RGS14: variants seen among roughly 807,000 people sequenced by gnomAD.
The protein encoded by RGS14 is regulator of G protein signaling 14.
In RGS14, 33 loss-of-function variants were observed where a neutral mutation model predicts 63.8. That is an observed-to-expected ratio of 0.52 (90% CI 0.39 to 0.69). The LOEUF (loss-of-function observed/expected upper bound fraction) is 0.69, where lower values mean the gene tolerates loss of function less well. Ranked by LOEUF, RGS14 falls within the 30% of genes least tolerant of loss-of-function variation. RGS14 has a pLI of 0.00. For synonymous variants in RGS14, 296 were observed against 320.9 expected (o/e 0.92, Z 0.83); for missense variants, 739 against 742.9 (o/e 0.99, Z 0.06).
At position 177,371,512 on chromosome 5, in the gene RGS14, C is replaced by A. The variant is rs1254378331; in HGVS notation, c.1421C>A (p.Pro474His). 1.2e-6 allele frequency: 2 copies of A among 1,614,010 alleles called. No homozygotes were observed. The highest frequency in any genetic ancestry group is 4.5e-5 in the East Asian group (2 of 44,884). ...AGAACTCAGGATAAGGCCACCCATC[C>A]CCCTCCAGCGTCCCCCAGTTCTCTG... ...PPRTQDKATH[P>H]PPASPSSLVK... Residue 474 changes from proline to histidine, a missense_variant, in exon 14 of 15, where the codon CCC becomes CAC. Pro to His is a moderately conservative substitution (Grantham distance 77). Transcript: ENST00000408923. This position sits in a 1 kb window ranked among gnomAD's most constrained non-coding sequence, Gnocchi z 6.1.
In RGS14 at chr5:177,371,029, C is replaced by T. The variant is rs1762231447; in HGVS notation, c.1252C>T (p.Arg418Trp). Residue 418 changes from arginine (R) to tryptophan (W), a missense_variant and splice_region_variant, in exon 11 of 15, where the codon CGG becomes TGG. By Grantham distance (101) the Arg-to-Trp change is moderately radical. Coordinates refer to ENST00000408923, the MANE Select transcript of RGS14 (RefSeq NM_006480.5). The surrounding 1 kb of genome is among the most constrained non-coding windows in gnomAD (Gnocchi z 6.1). ...GLSPLEVVLH[R>W]PGEKQPLDLG... is the part of the protein sequence containing the mutation. ...GAGCCCGCTAGAGGTGGTGCTGCAC[C>T]GGGTGAGCTTCCGGGCCGCGGGGCG... The T allele has an allele frequency of 2.7e-6, 4 of 1,497,100 alleles. No homozygotes were observed. The highest frequency in any genetic ancestry group is 1.2e-5 in the South Asian group (1 of 85,024). 92.7% of individuals were successfully genotyped at this position (1,497,100 alleles called of 1,614,324 possible).
chr5:177,366,940 C>G lies in RGS14; in HGVS notation c.389C>G (p.Ala130Gly), dbSNP rs765993641. ...TACCAGGAGTTCCTGTCCAGCCAGG[C>G]GCTGAGCCCAGTGAACATCGACCGT... is the stretch of plus-strand genomic sequence containing the variant. Reference protein sequence around the residue: ...NIYQEFLSSQALSPVNIDRQA... With the variant: ...NIYQEFLSSQGLSPVNIDRQA... The change falls in exon 5 of 15, where the codon GCG (alanine) becomes GGG (glycine). Residue 130 changes from alanine to glycine, a missense_variant. Transcript: ENST00000408923. 6.2e-7 allele frequency: 1 copy of G among 1,613,880 alleles called. No homozygotes were observed.
Position 177,371,074 on chromosome 5 carries a change from CGGGGCCG to C in RGS14, c.1254+47_1254+53del, listed in dbSNP as rs1412939764. ...GGGGCGGGGCGGGGCGGGGCCGGGC[CGGGGCCG>C]GGGCCGGGGCCGGGGCCGGGGCCGG... On this transcript the variant is annotated intron_variant, in intron 11 of 14. Transcript: ENST00000408923. This position sits in a 1 kb window ranked among gnomAD's most constrained non-coding sequence, Gnocchi z 6.1. 5.0e-5 allele frequency: 8 copies of C among 160,720 alleles called. 1 individual carries two copies. The African/African-American group carries it at 5.9e-4, about 12-fold the overall frequency. The allele number at this position is 160,720 out of a possible 1,614,324, so 10.0% of individuals were successfully genotyped here.
At position 177,368,104 on chromosome 5, in the gene RGS14, G is replaced by A. The variant is rs71601359; in HGVS notation, c.740-53G>A. The A allele has an allele frequency of 1.9e-6, 3 of 1,586,860 alleles. No homozygotes were observed. In the Admixed American group the frequency reaches 5.1e-5, roughly 27 times the overall value. ...CACCAGTGGGGAACAGGCTTCCGCAGAGGATGGGTGAGGGCGGGGGGCTGT... is the reference window on the plus strand; with the variant it reads ...CACCAGTGGGGAACAGGCTTCCGCAAAGGATGGGTGAGGGCGGGGGGCTGT... On this transcript the variant is annotated intron_variant, in intron 7 of 14. Transcript: ENST00000408923.
chr5:177,371,383 C>T lies in RGS14; in HGVS notation c.1370C>T (p.Pro457Leu), dbSNP rs751487301. The part of the protein sequence containing the change: ...VKISKARDKS[P>L]CRSQGCPPRT... ...ATCTCCAAAGCCCGTGACAAATCTC[C>T]CTGCCGCAGCCAGGTGAGCGAAAGG... Residue 457 changes from proline to leucine, a missense_variant, in exon 13 of 15, where the codon CCC becomes CTC. Transcript: ENST00000408923. This position sits in a 1 kb window ranked among gnomAD's most constrained non-coding sequence, Gnocchi z 6.1. The T allele has an allele frequency of 1.9e-6, 3 of 1,613,586 alleles. No individual in the cohort carries two copies. The highest frequency in any genetic ancestry group is 2.7e-5 in the African/African-American group (2 of 74,736).
chr5:177,366,866 A>T, intron 4 of RGS14, 25 bp from the exon 5 acceptor site: 3 of 1,612,232 alleles, frequency 1.9e-6, no homozygotes, highest in South Asian at 2.2e-5. Context: ...TCCCTGACCA[A>T]CTCCTCCTGT....
At position 177,370,941 on chromosome 5, in the gene RGS14, C is replaced by T. The variant is rs780394850; in HGVS notation, c.1164C>T (p.Ile388=). 10 of 1,608,050 alleles carry T rather than the reference C, an allele frequency of 6.2e-6. No individual in the cohort carries two copies. Among genetic ancestry groups the T allele is most frequent in the Non-Finnish European group, 8.5e-6 (10 of 1,179,710 alleles). The change falls in exon 11 of 15, where the codon ATC becomes ATT. Residue 388 remains isoleucine, a synonymous_variant. Coordinates refer to ENST00000408923, the MANE Select transcript of RGS14 (RefSeq NM_006480.5). ...CGGCGCTGGAGCGCGTGGTACGAAT[C>T]TCAGCCAAGCCCACCAAGCGGCTGC... ...ELTALERVVR[I]SAKPTKRLQE... is the part of the protein sequence containing the mutation.
chr5:177,365,892 G>A, intron 1 of RGS14, 71 bp from the exon 2 acceptor site: 4 of 1,508,286 alleles, frequency 2.7e-6, no homozygotes, highest in African/African-American at 1.4e-5. Context: ...GCTCCTGGGA[G>A]TCGGGCCCAG....
At chr5:177,361,691 A>G (rs1429657651) in intron 1 of RGS14, among the ~76,000 whole-genome samples, 1 of 152,156 alleles carries the variant, frequency 6.6e-6, no homozygotes, top group Admixed American at 6.5e-5. Context: ...GTGTGCTGCC[A>G]GAGGGTGCCT....
In RGS14 at chr5:177,372,024, A is replaced by C. The variant is rs1348638113; in HGVS notation, c.1650A>C (p.Ala550=). ...SEETPPQTKS[A]AQPIGGSLNS... ...AGACCCCACCACAGACCAAATCAGC[A>C]GCCCAGCCCATCGGGGGATCCTTGA... is the stretch of plus-strand genomic sequence containing the variant. Residue 550 remains alanine, a synonymous_variant, in exon 15 of 15, where the codon GCA becomes GCC. Coordinates refer to ENST00000408923, the MANE Select transcript of RGS14 (RefSeq NM_006480.5). 1.2e-6 allele frequency: 2 copies of C among 1,614,010 alleles called. No individual in the cohort carries two copies. Among genetic ancestry groups the C allele is most frequent in the African/African-American group, 2.7e-5 (2 of 74,936 alleles).
chr5:177,366,941 G>A lies in RGS14; in HGVS notation c.390G>A (p.Ala130=), dbSNP rs200942382. Residue 130 remains alanine, a synonymous_variant, in exon 5 of 15, where the codon GCG becomes GCA. Coordinates refer to ENST00000408923, the MANE Select transcript of RGS14 (RefSeq NM_006480.5). ...NIYQEFLSSQ[A]LSPVNIDRQA... Reference sequence around the variant, plus strand: ...ACCAGGAGTTCCTGTCCAGCCAGGCGCTGAGCCCAGTGAACATCGACCGTC... The same window carrying A: ...ACCAGGAGTTCCTGTCCAGCCAGGCACTGAGCCCAGTGAACATCGACCGTC... 10 of 1,614,012 alleles carry A rather than the reference G, an allele frequency of 6.2e-6. No individual in the cohort carries two copies. The African/African-American group carries it at 1.1e-4, about 17-fold the overall frequency.
Position 177,367,434 on chromosome 5 carries a change from C to G in RGS14, c.504C>G (p.Phe168Leu). The G allele has an allele frequency of 6.2e-7, 1 of 1,608,644 alleles. No homozygotes were observed. The highest frequency in any genetic ancestry group is 8.5e-7 in the Non-Finnish European group (1 of 1,176,996). Residue 168 changes from phenylalanine to leucine, a missense_variant, in exon 6 of 15, where the codon TTC becomes TTG. Physicochemically the swap from Phe to Leu is conservative, Grantham distance 22. Transcript: ENST00000408923. ...QQLQIFNLMK[F>L]DSYARFVKSP... ...CGCAGATCTTCAACTTGATGAAGTT[C>G]GACAGCTATGCGCGCTTCGTCAAGT...
At position 177,358,146 on chromosome 5, in the gene RGS14, C is replaced by A. The variant is rs952914267; in HGVS notation, c.45+77C>A. 14 of 1,192,150 alleles carry A rather than the reference C, an allele frequency of 1.2e-5. No individual in the cohort carries two copies. In the Middle Eastern group the frequency reaches 1.6e-3, roughly 132 times the overall value. The allele number at this position is 1,192,150 out of a possible 1,614,324, so 73.8% of individuals were successfully genotyped here. On this transcript the variant is annotated intron_variant, in intron 1 of 14. Transcript: ENST00000408923. This position sits in a 1 kb window ranked among gnomAD's most constrained non-coding sequence, Gnocchi z 4.8. The stretch of plus-strand genomic sequence containing the variant: ...GGTGGAGCCCAGGAGGCACACCCGG[C>A]AGGGCCAGGCAAGAGCCCACGGGCT...
chr5:177,370,505 G>A (rs1459360278), intron 9 of RGS14, 86 bp from the exon 10 acceptor site: 1 of 1,199,494 alleles, frequency 8.3e-7, no homozygotes, highest in African/African-American at 1.5e-5. Flanking sequence ...GGTGGCCATG[G>A]GAGGGCGTGA....
At chr5:177,367,858 G>C in intron 7 of RGS14, 33 bp downstream of exon 7, 1 of 1,525,534 alleles carries the variant, frequency 6.6e-7, no homozygotes, top group Middle Eastern at 1.8e-4. Context: ...GAGATGTGGG[G>C]AAGGCGGGAG....
Position 177,371,815 on chromosome 5 carries a change from TG to T in RGS14, c.1499-55del. On this transcript the variant is annotated intron_variant, in intron 14 of 14. Transcript: ENST00000408923. This position sits in a 1 kb window ranked among gnomAD's most constrained non-coding sequence, Gnocchi z 6.1. ...CCACAGTAAGGCAGTGGGACTATCG[TG>T]GGCTGGCATATAGGCAGGTCTGCTG... The T allele has an allele frequency of 6.5e-7, 1 of 1,534,688 alleles. No homozygotes were observed. Among genetic ancestry groups the T allele is most frequent in the Non-Finnish European group, 8.8e-7 (1 of 1,129,978 alleles).
Position 177,358,146 on chromosome 5 carries a change from C to T in RGS14, c.45+77C>T. 1.7e-6 allele frequency: 2 copies of T among 1,192,266 alleles called. No individual in the cohort carries two copies. The highest frequency in any genetic ancestry group is 2.1e-6 in the Non-Finnish European group (2 of 932,966). The allele number at this position is 1,192,266 out of a possible 1,614,324, so 73.9% of individuals were successfully genotyped here. ...GGTGGAGCCCAGGAGGCACACCCGG[C>T]AGGGCCAGGCAAGAGCCCACGGGCT... On this transcript the variant is annotated intron_variant, in intron 1 of 14. Transcript: ENST00000408923. The surrounding 1 kb of genome is among the most constrained non-coding windows in gnomAD (Gnocchi z 4.8).
chr5:177,370,369 C>G (rs1762207012), intron 9 of RGS14, among the ~76,000 whole-genome samples: 1 of 152,212 alleles, frequency 6.6e-6, no homozygotes, highest in Non-Finnish European at 1.5e-5. Flanking sequence ...CCAAGAATGT[C>G]CAGCATTCTT....
In RGS14 at chr5:177,366,516, C is replaced by T. The variant is rs1317270863; in HGVS notation, c.246+161C>T. The T allele has an allele frequency of 4.9e-6, 4 of 813,188 alleles. No individual in the cohort carries two copies. In the African/African-American group the frequency reaches 6.9e-5, roughly 14 times the overall value. The allele number at this position is 813,188 out of a possible 1,614,324, so 50.4% of individuals were successfully genotyped here. On this transcript the variant is annotated intron_variant, in intron 3 of 14. Transcript: ENST00000408923. Reference sequence around the variant, plus strand: ...CCAGCTGGGAACTTTTCTTCCTTCTCCCTGTCCTTGTCTCTGCCTCTCATT... The same window carrying T: ...CCAGCTGGGAACTTTTCTTCCTTCTTCCTGTCCTTGTCTCTGCCTCTCATT...
Sources: gnomAD v4.1 joint callset for allele counts (sites outside exome capture counted in the v4.1 genomes callset) on GRCh38, gnomAD v4.1.1 for gene constraint, Gnocchi (gnomAD v3.1) non-coding constraint, MANE v1.5 for transcripts, NCBI Gene and HGNC (gene_info 2026-07-23, HGNC 2026-07-21) for gene names.